NSUN3: variants seen among roughly 807,000 people sequenced by gnomAD.
NSUN3 encodes tRNA (cytosine(34)-C(5))-methyltransferase, mitochondrial.
A neutral mutation model predicts 36.8 loss-of-function variants in NSUN3; 24 were observed. The ratio of observed to expected loss-of-function variants is 0.65; its 90% CI spans 0.47 to 0.92. The LOEUF is 0.92. Ranked by LOEUF, NSUN3 falls within the 40% of genes least tolerant of loss-of-function variation. The pLI, the probability that NSUN3 is intolerant of heterozygous loss-of-function variation, is 0.00. For missense variants in NSUN3, 381 were observed against 392.8 expected, an observed-to-expected ratio of 0.97 and a Z score of 0.25; for synonymous variants, 146 against 145.2, an observed-to-expected ratio of 1.01 and a Z score of -0.04.
At chr3:94,093,307 A>G (rs1216198607) in intron 3 of NSUN3, among the ~76,000 whole-genome samples, 2 of 151,454 alleles carry the variant, frequency 1.3e-5, no homozygotes, top group African/African-American at 4.8e-5. Flanking sequence ...AGTTGTTAAA[A>G]TACATATACA....
At chr3:94,096,622 C>G (rs1195799961) in intron 5 of NSUN3, among the ~76,000 whole-genome samples, 1 of 152,168 alleles carries the variant, frequency 6.6e-6, no homozygotes, top group Non-Finnish European at 1.5e-5. Flanking sequence ...CCTCAGCCCC[C>G]CAAGTGGCTG....
At chr3:94,099,298 AATC>A (rs2077355488) in intron 5 of NSUN3, among the ~76,000 whole-genome samples, 2 of 152,164 alleles carry the variant, frequency 1.3e-5, no homozygotes, top group South Asian at 4.1e-4. Context: ...TCATTGCAAA[AATC>A]ATTCACATGC....
intron 2 of NSUN3, among the ~76,000 whole-genome samples, chr3:94,071,426 CTG>C (rs2077224430): frequency 6.6e-6 from 1 of 152,058 alleles, no homozygotes; most frequent in East Asian, 1.9e-4. Context: ...AAATTTCCAC[CTG>C]TTAAAGATGA....
At chr3:94,093,666 C>T (rs577073411) in intron 3 of NSUN3, among the ~76,000 whole-genome samples, 10 of 152,320 alleles carry the variant, frequency 6.6e-5, no homozygotes, top group African/African-American at 2.2e-4. Flanking sequence ...AATAATGGTT[C>T]CTGTGGGACA....
At chr3:94,118,158 G>A (rs760151432) in intron 5 of NSUN3, among the ~76,000 whole-genome samples, 7 of 152,070 alleles carry the variant, frequency 4.6e-5, no homozygotes, top group Non-Finnish European at 1.0e-4. Context: ...CTAATTACCC[G>A]ATTTGATCAT....
At chr3:94,079,249 A>G (rs1468129031) in intron 2 of NSUN3, among the ~76,000 whole-genome samples, 1 of 152,188 alleles carries the variant, frequency 6.6e-6, no homozygotes, top group Non-Finnish European at 1.5e-5. Flanking sequence ...AATGTTGAAT[A>G]TTGGCCCCCA....
intron 1 of NSUN3, 97 bp downstream of exon 1, chr3:94,063,235 A>G (rs1313289864): frequency 8.3e-6 from 10 of 1,208,304 alleles, no homozygotes; most frequent in Non-Finnish European, 1.1e-5. Flanking sequence ...GGGGAACATC[A>G]CCTTTGTTCG....
intron 5 of NSUN3, among the ~76,000 whole-genome samples, chr3:94,108,764 C>G (rs188061869): frequency 2.6e-5 from 4 of 152,232 alleles, no homozygotes; most frequent in Non-Finnish European, 2.9e-5. Flanking sequence ...CTCCCGGGTT[C>G]CATCAATTCT....
intron 5 of NSUN3, among the ~76,000 whole-genome samples, chr3:94,105,256 A>G (rs559076584): frequency 3.2e-4 from 48 of 152,210 alleles, no homozygotes; most frequent in African/African-American, 1.1e-3. Context: ...AACGACTTTT[A>G]TGATCCAAAG....
At chr3:94,089,012 C>G (rs1466404545) in intron 3 of NSUN3, among the ~76,000 whole-genome samples, 1 of 152,158 alleles carries the variant, frequency 6.6e-6, no homozygotes, top group Non-Finnish European at 1.5e-5. Context: ...TAGCACTGGC[C>G]TAGTCCATAA....
intron 2 of NSUN3, among the ~76,000 whole-genome samples, chr3:94,082,747 G>C (rs1415330787): frequency 6.6e-6 from 1 of 152,166 alleles, no homozygotes; most frequent in Non-Finnish European, 1.5e-5. Flanking sequence ...GTTTGTGATT[G>C]TTAAGAGATG....
chr3:94,085,329 A>T (rs1454386174), intron 3 of NSUN3: 1 of 152,142 alleles, frequency 6.6e-6, no homozygotes, highest in Non-Finnish European at 1.5e-5. Context: ...TTCTTTTTTT[A>T]AAAAACTGAT....
At chr3:94,107,112 G>A (rs2077392891) in intron 5 of NSUN3, among the ~76,000 whole-genome samples, 2 of 151,980 alleles carry the variant, frequency 1.3e-5, no homozygotes, top group African/African-American at 4.8e-5. Flanking sequence ...TGTATTTTTT[G>A]TAGAAATGAG....
chr3:94,112,665 C>T (rs2077422629), intron 5 of NSUN3, among the ~76,000 whole-genome samples: 1 of 152,204 alleles, frequency 6.6e-6, no homozygotes, highest in East Asian at 1.9e-4. Context: ...ATTACTTCCA[C>T]TCACATCTCA....
intron 5 of NSUN3, among the ~76,000 whole-genome samples, chr3:94,110,816 A>ATGTGTGTGTG (rs541709907): frequency 2.0e-5 from 3 of 146,352 alleles, no homozygotes; most frequent in African/African-American, 7.5e-5. Context: ...ATATACATAT[A>ATGTGTGTGTG]TGTGTGTGTG....
At chr3:94,097,140 A>G (rs1416984161) in intron 5 of NSUN3, among the ~76,000 whole-genome samples, 1 of 152,108 alleles carries the variant, frequency 6.6e-6, no homozygotes, top group East Asian at 1.9e-4. Flanking sequence ...AAATTTTTAG[A>G]ATTTTTAAAA....
At position 94,126,832 on chromosome 3, in the gene NSUN3, C is replaced by A. The variant is rs1213431649; in HGVS notation, c.*342C>A. On this transcript the variant is annotated 3_prime_UTR_variant, in exon 6 of 6. Transcript: ENST00000314622. ...TTCTTTCTATGATAGTGCTTTGAAC[C>A]TTCAAAAATTCACATTTTCCAGCGC... is the stretch of plus-strand genomic sequence containing the variant. 5.8e-6 allele frequency: 1 copy of A among 171,304 alleles called. No individual in the cohort carries two copies. Among genetic ancestry groups the A allele is most frequent in the Non-Finnish European group, 1.2e-5 (1 of 80,702 alleles). The allele number at this position is 171,304 out of a possible 1,614,324, so 10.6% of individuals were successfully genotyped here. A position where few individuals can be genotyped will look rare whatever the true frequency, so the allele number is the denominator to read the frequency against.
At chr3:94,113,893 T>G (rs542991208) in intron 5 of NSUN3, among the ~76,000 whole-genome samples, 1 of 152,326 alleles carries the variant, frequency 6.6e-6, no homozygotes, top group African/African-American at 2.4e-5. Context: ...TATGTTAAAA[T>G]TGTACACAAC....
At chr3:94,106,999 C>T (rs1302375135) in intron 5 of NSUN3, among the ~76,000 whole-genome samples, 1 of 151,728 alleles carries the variant, frequency 6.6e-6, no homozygotes, top group African/African-American at 2.4e-5. Context: ...GACAGGTGCA[C>T]TGGCACAATC....
Sources: gnomAD v4.1 joint callset for allele counts (sites outside exome capture counted in the v4.1 genomes callset) on GRCh38, gnomAD v4.1.1 for gene constraint, MANE v1.5 for transcripts, NCBI Gene and HGNC (gene_info 2026-07-23, HGNC 2026-07-21) for gene names.